ACKR3: variants seen among roughly 807,000 people sequenced by gnomAD.
ACKR3 encodes the protein atypical chemokine receptor 3.
ACKR3 carries 6 observed loss-of-function variants against 22.4 expected under a neutral mutation model. The observed-to-expected ratio is 0.27, with a 90% CI of 0.15 to 0.53. ACKR3 has a LOEUF of 0.53. Ranked by LOEUF, ACKR3 falls within the 20% of genes least tolerant of loss-of-function variation. ACKR3 has a pLI of 0.96. For synonymous variants in ACKR3, 209 were observed against 205.2 expected (o/e 1.02, Z -0.16); for missense variants, 396 against 475.2 (o/e 0.83, Z 1.55).
At chr2:236,555,018 C>G in the ACKR3 span, among the ~76,000 whole-genome samples, 1 of 152,340 alleles carries the variant, frequency 6.6e-6, no homozygotes, top group East Asian at 1.9e-4. Context: ...GTTTAAATCT[C>G]AAATCCTCAC....
At chr2:236,539,097 T>C in the ACKR3 span, among the ~76,000 whole-genome samples, 7 of 152,124 alleles carry the variant, frequency 4.6e-5, no homozygotes, top group Admixed American at 4.6e-4. Context: ...GCCTCTATTG[T>C]AGTTTGTTCC....
the ACKR3 span, among the ~76,000 whole-genome samples, chr2:236,550,050 G>A: frequency 1.3e-5 from 2 of 152,156 alleles, no homozygotes; most frequent in African/African-American, 4.8e-5. This position sits in a 1 kb window ranked among gnomAD's most constrained non-coding sequence, Gnocchi z 4.6. Flanking sequence ...TTTTGACAAG[G>A]GCTCTTTAAA....
At chr2:236,556,775 A>G in the ACKR3 span, among the ~76,000 whole-genome samples, 2 of 151,994 alleles carry the variant, frequency 1.3e-5, no homozygotes, top group Non-Finnish European at 2.9e-5. Flanking sequence ...TGCAACCTCC[A>G]CCTCCCAGGT....
chr2:236,556,094 G>C, the ACKR3 span, among the ~76,000 whole-genome samples: 3 of 152,180 alleles, frequency 2.0e-5, no homozygotes, highest in African/African-American at 7.2e-5. Context: ...GGGCTCCTGT[G>C]TGAGGAGTTA....
At chr2:236,553,779 G>T in the ACKR3 span, among the ~76,000 whole-genome samples, 1 of 152,256 alleles carries the variant, frequency 6.6e-6, no homozygotes, top group Non-Finnish European at 1.5e-5. Flanking sequence ...AGGCCTCTTG[G>T]TTTGTCAGCG....
intron 1 of ACKR3, 116 bp from the exon 2 acceptor site, chr2:236,580,324 C>T (rs1691491904): frequency 9.1e-7 from 1 of 1,101,738 alleles, no homozygotes; most frequent in African/African-American, 1.6e-5. Flanking sequence ...CAGAGCTAAA[C>T]CCAAACAGCT....
the ACKR3 span, among the ~76,000 whole-genome samples, chr2:236,540,289 G>T: frequency 3.3e-5 from 5 of 151,654 alleles, no homozygotes; most frequent in East Asian, 9.6e-4. Context: ...TAATTCAGTT[G>T]AAAATCTTTT....
intron 1 of ACKR3, among the ~76,000 whole-genome samples, chr2:236,571,618 G>GA (rs397988342): frequency 0.22 from 16,399 of 75,568 alleles, 1,075 homozygotes; most frequent in East Asian, 0.36. Context: ...CTTTCTGAAT[G>GA]AAAAAAAAAA....
At chr2:236,552,508 A>G in the ACKR3 span, among the ~76,000 whole-genome samples, 1 of 152,150 alleles carries the variant, frequency 6.6e-6, no homozygotes, top group African/African-American at 2.4e-5. Flanking sequence ...AGTGGTGATC[A>G]CTATCGTGGC....
rs1218498356 is a variant in ACKR3, at chr2:236,574,150, G to A, written c.-27+4226G>A. 3.9e-5 allele frequency among the ~76,000 whole-genome samples: 6 copies of A among 152,142 alleles called. No homozygotes were observed. The East Asian group carries it at 9.7e-4, about 25-fold the overall frequency. ...TGTTTCTGATTTGTTGTCCTCACGT[G>A]CCCCAGAGCAGTGCCTCCTGGAACA... On this transcript the variant is annotated intron_variant, in intron 1 of 1. Transcript: ENST00000272928. The surrounding 1 kb of genome is among the most constrained non-coding windows in gnomAD (Gnocchi z 5.6).
upstream of ACKR3, among the ~76,000 whole-genome samples, chr2:236,564,400 CTTTG>C (rs1008094610): frequency 6.6e-6 from 1 of 152,140 alleles, no homozygotes; most frequent in Non-Finnish European, 1.5e-5. Context: ...TCTTTTGTTG[CTTTG>C]TTTGTGCATT....
chr2:236,563,767 G>A (rs1475227402), upstream of ACKR3, among the ~76,000 whole-genome samples: 1 of 152,142 alleles, frequency 6.6e-6, no homozygotes, highest in East Asian at 1.9e-4. Context: ...CCCCTCCACC[G>A]TTAACGTGGG....
At chr2:236,545,410 G>A in the ACKR3 span, among the ~76,000 whole-genome samples, 1,846 of 152,240 alleles carry the variant, frequency 0.012, 22 homozygotes, top group African/African-American at 0.034. This position sits in a 1 kb window ranked among gnomAD's most constrained non-coding sequence, Gnocchi z 5.3. Flanking sequence ...GTCACATCAC[G>A]TAGAAACTCA....
chr2:236,557,561 A>C, the ACKR3 span, among the ~76,000 whole-genome samples: 2 of 152,246 alleles, frequency 1.3e-5, no homozygotes, highest in Admixed American at 6.5e-5. Flanking sequence ...GAATAATCTG[A>C]GCTGTCAACT....
chr2:236,548,740 GT>G, the ACKR3 span, among the ~76,000 whole-genome samples: 2 of 152,230 alleles, frequency 1.3e-5, no homozygotes, highest in African/African-American at 4.8e-5. This position sits in a 1 kb window ranked among gnomAD's most constrained non-coding sequence, Gnocchi z 4.3. Flanking sequence ...TTTGAAGAGA[GT>G]TGCAGATGTT....
At chr2:236,572,263 A>T (rs890550323) in intron 1 of ACKR3, among the ~76,000 whole-genome samples, 3 of 152,222 alleles carry the variant, frequency 2.0e-5, no homozygotes, top group Admixed American at 2.0e-4. Flanking sequence ...GTGATCAGGG[A>T]ATTGCATAAT....
chr2:236,558,771 TATTA>T, the ACKR3 span, among the ~76,000 whole-genome samples: 4 of 152,238 alleles, frequency 2.6e-5, no homozygotes, highest in Admixed American at 6.5e-5. Context: ...GGGTCTCTCT[TATTA>T]ATTAATTTTG....
chr2:236,565,868 T>G (rs1691167338), upstream of ACKR3, among the ~76,000 whole-genome samples: 1 of 152,148 alleles, frequency 6.6e-6, no homozygotes, highest in Admixed American at 6.5e-5. Context: ...GTGTTGCGGT[T>G]ATTCTGGGGG....
chr2:236,549,490 TC>T, the ACKR3 span, among the ~76,000 whole-genome samples: 1 of 152,196 alleles, frequency 6.6e-6, no homozygotes, highest in Non-Finnish European at 1.5e-5. The surrounding 1 kb of genome is among the most constrained non-coding windows in gnomAD (Gnocchi z 5.3). Context: ...GAAAGATTAG[TC>T]TTCATGAGGC....
Sources: allele counts gnomAD v4.1 joint callset (sites outside exome capture counted in the v4.1 genomes callset), GRCh38; gene constraint gnomAD v4.1.1; non-coding constraint Gnocchi (gnomAD v3.1); transcripts MANE v1.5; gene names NCBI Gene and HGNC (gene_info 2026-07-23, HGNC 2026-07-21).